TTC28: variants seen among roughly 807,000 people sequenced by gnomAD.
The protein encoded by TTC28 is tetratricopeptide repeat domain 28.
Under a neutral mutation model 198.0 loss-of-function variants are expected in TTC28, and 61 were observed. The observed-to-expected ratio is 0.31, with a 90% CI of 0.25 to 0.38. The LOEUF is 0.38. Among genes scored for constraint, TTC28 ranks in the 10% least tolerant of loss-of-function variants. The pLI is 1.00. For synonymous variants in TTC28, 1,171 were observed against 1,297.8 expected (o/e 0.90, Z 2.10); for missense variants, 2,678 against 3,164.0 (o/e 0.85, Z 3.69).
chr22:28,208,287 T>G (rs573030975), intron 5 of TTC28, among the ~76,000 whole-genome samples: 26 of 152,300 alleles, frequency 1.7e-4, no homozygotes, highest in African/African-American at 6.3e-4. Context: ...TCAGACCTCA[T>G]TATCACACTT....
intron 2 of TTC28, among the ~76,000 whole-genome samples, chr22:28,468,323 A>G (rs1020401924): frequency 6.6e-6 from 1 of 152,116 alleles, no homozygotes; most frequent in Non-Finnish European, 1.5e-5. Context: ...CCAGGTTTGC[A>G]ATCCCAAGAC....
chr22:28,383,178 T>C (rs1211985939), intron 2 of TTC28, among the ~76,000 whole-genome samples: 2 of 152,198 alleles, frequency 1.3e-5, no homozygotes, highest in Non-Finnish European at 2.9e-5. Context: ...TATTTCTCAG[T>C]TTCCTTTCCT....
intron 2 of TTC28, among the ~76,000 whole-genome samples, chr22:28,576,700 G>A (rs2050156321): frequency 6.6e-6 from 1 of 151,886 alleles, no homozygotes. Context: ...ATTTCTTCAT[G>A]GCTCAATCTT....
chr22:28,505,378 C>A (rs1433267372), intron 2 of TTC28, among the ~76,000 whole-genome samples: 3 of 152,086 alleles, frequency 2.0e-5, no homozygotes, highest in Non-Finnish European at 4.4e-5. Flanking sequence ...GAGTTCAGCA[C>A]CTTCAGCTGA....
intron 2 of TTC28, among the ~76,000 whole-genome samples, chr22:28,464,487 C>T (rs1260604427): frequency 6.6e-6 from 1 of 152,044 alleles, no homozygotes; most frequent in African/African-American, 2.4e-5. Context: ...TTCCTGATTA[C>T]CTGCATATCT....
chr22:28,212,408 G>T (rs1297776065), intron 5 of TTC28, among the ~76,000 whole-genome samples: 1 of 138,572 alleles, frequency 7.2e-6, no homozygotes, highest in Admixed American at 8.2e-5. Flanking sequence ...AAAGAGAGAA[G>T]AGTCAAATAG....
intron 2 of TTC28, among the ~76,000 whole-genome samples, chr22:28,549,580 C>G (rs1050011449): frequency 1.3e-5 from 2 of 152,306 alleles, no homozygotes; most frequent in East Asian, 1.9e-4. Flanking sequence ...TTAAGTCTAT[C>G]TTAATTCTTT....
At chr22:28,477,736 C>G (rs918730702) in intron 2 of TTC28, among the ~76,000 whole-genome samples, 1 of 152,176 alleles carries the variant, frequency 6.6e-6, no homozygotes, top group African/African-American at 2.4e-5. Flanking sequence ...AATGGGATGT[C>G]AGCAAAGGTA....
intron 2 of TTC28, among the ~76,000 whole-genome samples, chr22:28,323,170 G>C (rs976766776): frequency 6.6e-6 from 1 of 152,154 alleles, no homozygotes; most frequent in African/African-American, 2.4e-5. Flanking sequence ...ACTTTTGCAA[G>C]CCTAGAATAA....
intron 1 of TTC28, among the ~76,000 whole-genome samples, chr22:28,633,123 T>C (rs760550593): frequency 6.6e-5 from 10 of 151,336 alleles, no homozygotes; most frequent in African/African-American, 1.2e-4. Flanking sequence ...CTACTAAATA[T>C]ACAAAAATTA....
At chr22:28,472,203 C>T (rs184378734) in intron 2 of TTC28, among the ~76,000 whole-genome samples, 2 of 152,202 alleles carry the variant, frequency 1.3e-5, no homozygotes, top group African/African-American at 4.8e-5. Context: ...TTCAATTCTC[C>T]GCCTTGTATG....
intron 2 of TTC28, among the ~76,000 whole-genome samples, chr22:28,627,131 G>A (rs935161716): frequency 1.3e-5 from 2 of 152,052 alleles, no homozygotes; most frequent in Non-Finnish European, 2.9e-5. Context: ...GACAGAGGCA[G>A]ATATATATGC....
intron 2 of TTC28, among the ~76,000 whole-genome samples, chr22:28,388,481 A>G (rs938789047): frequency 2.0e-5 from 3 of 152,188 alleles, no homozygotes; most frequent in African/African-American, 7.2e-5. Flanking sequence ...CCATGAGCAT[A>G]GAACGTTCTT....
chr22:28,045,800 C>T (rs897204874), intron 12 of TTC28, among the ~76,000 whole-genome samples: 1 of 152,170 alleles, frequency 6.6e-6, no homozygotes. Flanking sequence ...CTTGTCTCTA[C>T]TAAAAATACA....
chr22:28,656,135 G>A (rs2051646737), intron 1 of TTC28, among the ~76,000 whole-genome samples: 1 of 152,236 alleles, frequency 6.6e-6, no homozygotes, highest in South Asian at 2.1e-4. Context: ...CAAACGCTCA[G>A]AGGAGGGACC....
At chr22:28,577,180 C>T (rs2050164433) in intron 2 of TTC28, among the ~76,000 whole-genome samples, 2 of 151,996 alleles carry the variant, frequency 1.3e-5, no homozygotes, top group Non-Finnish European at 2.9e-5. Context: ...TCCATTTTCA[C>T]ATTTGTTTTG....
intron 2 of TTC28, among the ~76,000 whole-genome samples, chr22:28,501,890 C>A (rs1042029608): frequency 6.6e-6 from 1 of 151,990 alleles, no homozygotes; most frequent in Non-Finnish European, 1.5e-5. Flanking sequence ...GTTTTTTATA[C>A]CTATTCTCTT....
intron 2 of TTC28, among the ~76,000 whole-genome samples, chr22:28,507,760 T>C (rs2048632587): frequency 6.6e-6 from 1 of 152,142 alleles, no homozygotes; most frequent in African/African-American, 2.4e-5. Flanking sequence ...TATTCAACAT[T>C]CTTAAAGAAA....
intron 2 of TTC28, among the ~76,000 whole-genome samples, chr22:28,590,218 C>G (rs933917020): frequency 6.6e-6 from 1 of 150,686 alleles, no homozygotes; most frequent in African/African-American, 2.4e-5. Flanking sequence ...AGCTCCACTT[C>G]CCAGGTTCAT....
Sources: allele counts gnomAD v4.1 joint callset (sites outside exome capture counted in the v4.1 genomes callset), GRCh38; gene constraint gnomAD v4.1.1; transcripts MANE v1.5; gene names NCBI Gene and HGNC (gene_info 2026-07-23, HGNC 2026-07-21).